Variants in CLBA1 observed in about 807,000 individuals in gnomAD.
CLBA1 encodes uncharacterized protein CLBA1.
CLBA1 carries 30 observed loss-of-function variants against 28.8 expected under a neutral mutation model. The observed-to-expected ratio is 1.04, with a 90% confidence interval of 0.78 to 1.41. CLBA1 has a LOEUF of 1.41. Among genes scored for constraint, CLBA1 ranks in the 40% most tolerant of loss-of-function variants. CLBA1 has a pLI of 0.00. For synonymous variants in CLBA1, 160 were observed against 152.8 expected, an observed-to-expected ratio of 1.05 and a Z score of -0.35; for missense variants, 451 against 412.3, an observed-to-expected ratio of 1.09 and a Z score of -0.81.
chr14:104,992,227 GCACACGCCACCAAGCACACACACCA>G (rs1900054874), intron 3 of CLBA1, among the ~76,000 whole-genome samples: 1 of 149,846 alleles, frequency 6.7e-6, no homozygotes, highest in East Asian at 2.0e-4. Flanking sequence ...ATGCCGCCAC[GCACACGCCACCAAGCACACACACCA>G]CACACGCCAC....
rs1476760233 is a variant in CLBA1, at chr14:104,986,739, G to A, written c.308G>A (p.Gly103Glu). The change falls in exon 1 of 5, where the codon GGA becomes GAA. Residue 103 changes from glycine to glutamate, a missense_variant. Physicochemically the swap from Gly to Glu is moderately conservative, Grantham distance 98 (BLOSUM62 -2). Transcript: ENST00000547315. ...TCACAGTCCCTTGAACTCCTCGAGG[G>A]ACCCACAGAACCCCAGCCACCGAGA... ...QFSQSLELLE[G>E]PTEPQPPRTT... 6.2e-7 allele frequency: 1 copy of A among 1,611,882 alleles called. No individual in the cohort carries two copies.
intron 1 of CLBA1, among the ~76,000 whole-genome samples, chr14:104,987,879 C>T (rs1226291675): frequency 5.9e-5 from 9 of 151,372 alleles, no homozygotes; most frequent in South Asian, 2.1e-4. Context: ...TCAGGTGATC[C>T]GCCCGCCTCG....
chr14:104,991,441 C>T, intron 2 of CLBA1, 50 bp from the exon 3 acceptor site: 1 of 1,609,766 alleles, frequency 6.2e-7, no homozygotes, highest in Non-Finnish European at 8.5e-7. Context: ...CTCATGATCT[C>T]CTCAGAAGGC....
intron 3 of CLBA1, among the ~76,000 whole-genome samples, chr14:104,992,247 ACACCACACACGC>A (rs1900055599): frequency 6.6e-6 from 1 of 151,258 alleles, no homozygotes; most frequent in African/African-American, 2.4e-5. Context: ...CCAAGCACAC[ACACCACACACGC>A]CACCACATGC....
At chr14:104,995,709 G>A (rs1900144989), downstream of CLBA1, among the ~76,000 whole-genome samples, 1 of 152,220 alleles carries the variant, frequency 6.6e-6, no homozygotes, top group South Asian at 2.1e-4. Flanking sequence ...TTTCCATCAT[G>A]AGGGAGGAGG....
Position 104,986,096 on chromosome 14 carries a change from C to A in CLBA1, c.-336C>A. On this transcript the variant is annotated 5_prime_UTR_variant, in exon 1 of 5. Transcript: ENST00000547315. The stretch of plus-strand genomic sequence containing the variant: ...AGCGTGGGCCTCCCAGGCCCCCTCG[C>A]GGCTCTCTCCAGAGCAGGAGCCCCA... 1 of 332,458 alleles carries A rather than the reference C, an allele frequency of 3.0e-6. No individual in the cohort carries two copies. 20.6% of individuals were successfully genotyped at this position (332,458 alleles called of 1,614,324 possible).
downstream of CLBA1, among the ~76,000 whole-genome samples, chr14:105,000,211 G>A (rs73363365): frequency 8.1e-3 from 1,230 of 151,862 alleles, 16 homozygotes; most frequent in African/African-American, 0.028. Flanking sequence ...CTCAAACAAC[G>A]TAACAGGAAG....
chr14:104,986,275 C>A lies in CLBA1; in HGVS notation c.-157C>A. 2.8e-6 allele frequency: 2 copies of A among 723,660 alleles called. No homozygotes were observed. The highest frequency in any genetic ancestry group is 4.4e-6 in the Non-Finnish European group (2 of 449,822). 44.8% of individuals were successfully genotyped at this position (723,660 alleles called of 1,614,324 possible). On this transcript the variant is annotated 5_prime_UTR_variant, in exon 1 of 5. Coordinates refer to ENST00000547315, the MANE Select transcript of CLBA1 (RefSeq NM_174891.4). ...TCCACAGCAGCACGTGGGCACTTTC[C>A]ACCGTCAGCCACTGGGCAGCCCGGG...
In CLBA1 at chr14:104,994,735, ACT is replaced by A; in HGVS notation, c.957_958del (p.Phe320Ter). On this transcript the variant is annotated frameshift_variant, in exon 5 of 5. Coordinates refer to ENST00000547315, the MANE Select transcript of CLBA1 (RefSeq NM_174891.4). LOFTEE classifies it high-confidence loss of function. ...MFTPRKLKLT[L>X]FNSDVC ...TCACTCCACGCAAGCTCAAACTGAC[ACT>A]CTTTAATAGCGACGTTTGCTAAAAT... 1 of 1,608,048 alleles carries A rather than the reference ACT, an allele frequency of 6.2e-7. No individual in the cohort carries two copies.
At chr14:104,993,840 G>A in intron 4 of CLBA1, 1 of 985,476 alleles carries the variant, frequency 1.0e-6, no homozygotes, top group African/African-American at 1.7e-5. Flanking sequence ...AGCATGAAGA[G>A]TGACATGCAG....
downstream of CLBA1, chr14:104,999,207 C>G: frequency 1.0e-6 from 1 of 985,266 alleles, no homozygotes; most frequent in Non-Finnish European, 1.2e-6. Context: ...TCTGTCCTGG[C>G]CTTTGATTCC....
At chr14:104,989,617 A>T (rs562217204) in intron 2 of CLBA1, 6 of 456,030 alleles carry the variant, frequency 1.3e-5, no homozygotes, top group Non-Finnish European at 2.6e-5. Context: ...TCACTCGCAG[A>T]TGGCCATTTT....
Position 104,986,333 on chromosome 14 carries a change from G to A in CLBA1, c.-99G>A. 7.6e-7 allele frequency: 1 copy of A among 1,324,442 alleles called. No individual in the cohort carries two copies. The highest frequency in any genetic ancestry group is 1.0e-6 in the Non-Finnish European group (1 of 976,814). The allele number at this position is 1,324,442 out of a possible 1,614,324, so 82.0% of individuals were successfully genotyped here. A position where few individuals can be genotyped will look rare whatever the true frequency, so the allele number is the denominator to read the frequency against. On this transcript the variant is annotated 5_prime_UTR_variant, in exon 1 of 5. Transcript: ENST00000547315. ...TGCAGCGTCCCCTGGCCCTCTCCAGGGCAGGGGAAGGTTGGGCAGTCCTGG... is the reference window on the plus strand; with the variant it reads ...TGCAGCGTCCCCTGGCCCTCTCCAGAGCAGGGGAAGGTTGGGCAGTCCTGG...
At chr14:104,991,779 G>T (rs1423918170) in intron 3 of CLBA1, among the ~76,000 whole-genome samples, 159 bp downstream of exon 3, 3 of 152,192 alleles carry the variant, frequency 2.0e-5, no homozygotes, top group African/African-American at 7.2e-5. Flanking sequence ...AGGGCCACTG[G>T]ATGACTCCCG....
At position 104,992,972 on chromosome 14, in the gene CLBA1, A is replaced by G. The variant is rs200250144; in HGVS notation, c.724A>G (p.Ile242Val). Residue 242 changes from isoleucine (I) to valine (V), a missense_variant, in exon 4 of 5, where the codon ATC becomes GTC. Transcript: ENST00000547315. ...QKNLSGGQGHIMEDCDLKEPE... is the reference protein window; with the variant it reads ...QKNLSGGQGHVMEDCDLKEPE... ...GAACCTTTCTGGAGGCCAGGGCCACATCATGGAAGATTGTGACCTCAAAGA... is the reference window on the plus strand; with the variant it reads ...GAACCTTTCTGGAGGCCAGGGCCACGTCATGGAAGATTGTGACCTCAAAGA... The G allele has an allele frequency of 1.2e-4, 198 of 1,614,028 alleles. No homozygotes were observed. The highest frequency in any genetic ancestry group is 1.6e-4 in the Non-Finnish European group (194 of 1,180,002).
chr14:104,994,320 T>C, intron 4 of CLBA1: 1 of 985,434 alleles, frequency 1.0e-6, no homozygotes. Context: ...GCCAGACACG[T>C]AGCACAAGGG....
At position 104,989,219 on chromosome 14, in the gene CLBA1, G is replaced by A; in HGVS notation, c.569+131G>A. 3.4e-6 allele frequency: 3 copies of A among 874,636 alleles called. No individual in the cohort carries two copies. The South Asian group carries it at 5.3e-5, about 15-fold the overall frequency. The allele number at this position is 874,636 out of a possible 1,614,324, so 54.2% of individuals were successfully genotyped here. A position where few individuals can be genotyped will look rare whatever the true frequency, so the allele number is the denominator to read the frequency against. ...CTCCTGAGGTCCCTGCCATCTGTGG[G>A]TCATAGGGGTCCTATGAGAAGGGGC... On this transcript the variant is annotated intron_variant, in intron 2 of 4. Transcript: ENST00000547315.
chr14:104,985,838 T>A lies in CLBA1; in HGVS notation c.-594T>A. 3.8e-6 allele frequency: 1 copy of A among 264,654 alleles called. No homozygotes were observed. The highest frequency in any genetic ancestry group is 7.5e-6 in the Non-Finnish European group (1 of 133,694). The allele number at this position is 264,654 out of a possible 1,614,324, so 16.4% of individuals were successfully genotyped here. A position where few individuals can be genotyped will look rare whatever the true frequency, so the allele number is the denominator to read the frequency against. On this transcript the variant is annotated 5_prime_UTR_variant, in exon 1 of 5. Coordinates refer to ENST00000547315, the MANE Select transcript of CLBA1 (RefSeq NM_174891.4). ...GGGAACGGCTGGTTGCAGGTTTCTC[T>A]CGCCCTGGTCCCGCGCGGCCCCGCC...
At position 104,993,272 on chromosome 14, in the gene CLBA1, C is replaced by T. The variant is rs1039214293; in HGVS notation, c.816+208C>T. ...GGTGCCAAGGAATATAAATACCATC[C>T]GGAAAGACTCTCAGGCCAGAGGACC... On this transcript the variant is annotated intron_variant, in intron 4 of 4. Transcript: ENST00000547315. 2.8e-5 allele frequency: 28 copies of T among 985,266 alleles called. No individual in the cohort carries two copies. In the African/African-American group the frequency reaches 3.3e-4, roughly 12 times the overall value. The allele number at this position is 985,266 out of a possible 1,614,324, so 61.0% of individuals were successfully genotyped here. A position where few individuals can be genotyped will look rare whatever the true frequency, so the allele number is the denominator to read the frequency against.
Sources: allele counts gnomAD v4.1 joint callset (sites outside exome capture counted in the v4.1 genomes callset), GRCh38; gene constraint gnomAD v4.1.1; transcripts MANE v1.5; gene names NCBI Gene and HGNC (gene_info 2026-07-23, HGNC 2026-07-21).